The following ZNF644 variants were observed in gnomAD, a reference collection of about 807,000 sequenced individuals.
The protein encoded by ZNF644 is zinc finger protein 644.
Under a neutral mutation model 108.0 loss-of-function variants are expected in ZNF644, and 20 were observed. The ratio of observed to expected loss-of-function variants is 0.19; its 90% CI spans 0.13 to 0.27. The LOEUF (loss-of-function observed/expected upper bound fraction) is 0.27, where lower values mean the gene tolerates loss of function less well. ZNF644 is among the 10% of genes least tolerant of loss of function. ZNF644 has a pLI of 1.00. For missense variants in ZNF644, 1,338 were observed against 1,548.9 expected, an observed-to-expected ratio of 0.86 and a Z score of 2.29; for synonymous variants, 542 against 539.1, an observed-to-expected ratio of 1.01 and a Z score of -0.08.
chr1:90,990,516 GA>G (rs1408881175), intron 1 of ZNF644, among the ~76,000 whole-genome samples: 2 of 152,168 alleles, frequency 1.3e-5, no homozygotes, highest in Non-Finnish European at 2.9e-5. Flanking sequence ...ACTGCCTGGA[GA>G]AAGTACAGAT....
In ZNF644 at chr1:90,939,028, A is replaced by C; in HGVS notation, c.2326T>G (p.Ser776Ala). 1 of 1,614,042 alleles carries C rather than the reference A, an allele frequency of 6.2e-7. No homozygotes were observed. Among genetic ancestry groups the C allele is most frequent in the South Asian group, 1.1e-5 (1 of 91,082 alleles). The stretch of plus-strand genomic sequence containing the variant: ...TTGTTGTGAGAATTACTTGATGATG[A>C]AAACAGGTGTAAAGAATTTAATGAA... The part of the protein sequence containing the change: ...ASSLNSLHLF[S>A]SSSNSHNNFI... Residue 776 changes from serine to alanine, a missense_variant, in exon 3 of 6, where the codon TCA becomes GCA. Ser to Ala is a moderately conservative substitution (Grantham distance 99). Transcript: ENST00000337393.
intron 4 of ZNF644, among the ~76,000 whole-genome samples, chr1:90,925,145 A>C (rs1057021058): frequency 6.6e-6 from 1 of 152,184 alleles, no homozygotes; most frequent in African/African-American, 2.4e-5. Context: ...TGCAAGATTT[A>C]CCAGGCCCAG....
At position 90,938,256 on chromosome 1, in the gene ZNF644, C is replaced by T. The variant is rs377374433; in HGVS notation, c.3082+16G>A. ...CACAGACCTATCAGCCCAAATCATC[C>T]CCATGGAGAACTTACCTTTTCTAAC... is the stretch of plus-strand genomic sequence containing the variant. On this transcript the variant is annotated intron_variant, in intron 3 of 5. Coordinates refer to ENST00000337393, the MANE Select transcript of ZNF644 (RefSeq NM_201269.3). The surrounding 1 kb of genome is among the most constrained non-coding windows in gnomAD (Gnocchi z 4.2). 27 of 1,613,856 alleles carry T rather than the reference C, an allele frequency of 1.7e-5. 1 individual carries two copies. Among genetic ancestry groups the T allele is most frequent in the African/African-American group, 1.6e-4 (12 of 75,008 alleles).
At chr1:90,930,683 T>C (rs1056874404) in intron 4 of ZNF644, among the ~76,000 whole-genome samples, 2 of 152,184 alleles carry the variant, frequency 1.3e-5, no homozygotes, top group Admixed American at 1.3e-4. Flanking sequence ...TTAAAGTACA[T>C]TTAGGTGAGT....
chr1:90,959,896 A>G (rs1046363780), intron 2 of ZNF644, among the ~76,000 whole-genome samples: 1 of 152,176 alleles, frequency 6.6e-6, no homozygotes, highest in African/African-American at 2.4e-5. Context: ...TATTAAATGG[A>G]AAATTCAGAA....
intron 1 of ZNF644, among the ~76,000 whole-genome samples, chr1:90,999,259 AAAT>A (rs1658502068): frequency 6.6e-6 from 1 of 152,218 alleles, no homozygotes; most frequent in Non-Finnish European, 1.5e-5. Flanking sequence ...ACCAAAGTTG[AAAT>A]GAAGGAAAAA....
At chr1:90,951,643 T>G (rs905236543) in intron 2 of ZNF644, among the ~76,000 whole-genome samples, 1 of 152,204 alleles carries the variant, frequency 6.6e-6, no homozygotes, top group African/African-American at 2.4e-5. Flanking sequence ...TTCTCCACAC[T>G]GCTGGCATTC....
rs535344153 is a variant in ZNF644 at position 90,982,608 on chromosome 1, T to C, written c.-17-238A>G. 2.8e-4 allele frequency among the ~76,000 whole-genome samples: 42 copies of C among 152,174 alleles called. No individual in the cohort carries two copies. The South Asian group carries it at 2.9e-3, about 11-fold the overall frequency. On this transcript the variant is annotated intron_variant, in intron 1 of 5. Transcript: ENST00000337393. ...AATAATAATCTATTCAAATGAGAAATTGAAACTAATTCTTTTTTTTAAAAA... is the reference window on the plus strand; with the variant it reads ...AATAATAATCTATTCAAATGAGAAACTGAAACTAATTCTTTTTTTTAAAAA...
Position 90,939,649 on chromosome 1 carries a change from T to G in ZNF644, c.1705A>C (p.Lys569Gln). 6.2e-7 allele frequency: 1 copy of G among 1,614,018 alleles called. No individual in the cohort carries two copies. Among genetic ancestry groups the G allele is most frequent in the Non-Finnish European group, 8.5e-7 (1 of 1,179,928 alleles). The change falls in exon 3 of 6, where the codon AAG (lysine) becomes CAG (glutamine). Residue 569 changes from lysine (K) to glutamine (Q), a missense_variant. Coordinates refer to ENST00000337393, the MANE Select transcript of ZNF644 (RefSeq NM_201269.3). ...SDIAQRKTQK[K>Q]TFMKDSVVGS... ...ACTACAGAGTCTTTCATGAAAGTCT[T>G]TTTTTGTGTTTTTCTCTGGGCAATA...
chr1:91,010,272 C>T (rs1659838982), intron 1 of ZNF644, among the ~76,000 whole-genome samples: 1 of 144,644 alleles, frequency 6.9e-6, no homozygotes, highest in South Asian at 2.2e-4. Flanking sequence ...CACAGTCTCA[C>T]TCTGTTGCCC....
intron 2 of ZNF644, among the ~76,000 whole-genome samples, chr1:90,950,279 G>GA (rs1183706979): frequency 2.8e-5 from 1 of 35,780 alleles, no homozygotes; most frequent in Non-Finnish European, 6.7e-5. Flanking sequence ...TCCATCTCAA[G>GA]GGAAGGGAAG....
rs1648663198 is a variant in ZNF644, at chr1:90,915,410, C to T, written c.*1388G>A. The T allele has an allele frequency of 6.6e-6, 1 of 152,482 alleles. No homozygotes were observed. The highest frequency in any genetic ancestry group is 1.5e-5 in the Non-Finnish European group (1 of 67,972). The allele number at this position is 152,482 out of a possible 1,614,324, so 9.4% of individuals were successfully genotyped here. On this transcript the variant is annotated 3_prime_UTR_variant, in exon 6 of 6. Coordinates refer to ENST00000337393, the MANE Select transcript of ZNF644 (RefSeq NM_201269.3). ...TATGTATATACTCTACCAAAATACT[C>T]CTTATTTTAACTGTTTTTAACTTTA...
At chr1:90,964,796 C>CT (rs959322744) in intron 2 of ZNF644, among the ~76,000 whole-genome samples, 71 of 150,704 alleles carry the variant, frequency 4.7e-4, no homozygotes, top group African/African-American at 1.4e-3. Context: ...TAGAAGAGGT[C>CT]TTTTTTTTTG....
At chr1:90,951,362 T>A (rs1166651435) in intron 2 of ZNF644, among the ~76,000 whole-genome samples, 1 of 152,222 alleles carries the variant, frequency 6.6e-6, no homozygotes, top group East Asian at 1.9e-4. Flanking sequence ...AGTAACCCTT[T>A]GACTTCGTTT....
At chr1:90,927,686 A>G (rs1450249915) in intron 4 of ZNF644, among the ~76,000 whole-genome samples, 1 of 152,196 alleles carries the variant, frequency 6.6e-6, no homozygotes, top group Non-Finnish European at 1.5e-5. Flanking sequence ...GAACAATACT[A>G]TAGAAATAAG....
At chr1:90,917,993 AAT>A in intron 5 of ZNF644, 57 bp downstream of exon 5, 1 of 1,365,522 alleles carries the variant, frequency 7.3e-7, no homozygotes, top group Non-Finnish European at 1.0e-6. Context: ...TGAAATAGCT[AAT>A]ATGTTTCAAA....
At chr1:90,923,363 G>C (rs1649683184) in intron 4 of ZNF644, among the ~76,000 whole-genome samples, 1 of 151,730 alleles carries the variant, frequency 6.6e-6, no homozygotes, top group African/African-American at 2.4e-5. Flanking sequence ...GAAAAAAAAA[G>C]GCTGAGAAAA....
chr1:90,973,563 T>C (rs1299392384), intron 2 of ZNF644, among the ~76,000 whole-genome samples: 1 of 152,202 alleles, frequency 6.6e-6, no homozygotes, highest in Non-Finnish European at 1.5e-5. Context: ...GTTAAATAAG[T>C]CTGCATTTAT....
chr1:90,938,557 T>A lies in ZNF644; in HGVS notation c.2797A>T (p.Ile933Leu), dbSNP rs1218503333. The A allele has an allele frequency of 6.2e-7, 1 of 1,613,766 alleles. No individual in the cohort carries two copies. The highest frequency in any genetic ancestry group is 8.5e-7 in the Non-Finnish European group (1 of 1,179,878). Residue 933 changes from isoleucine to leucine, a missense_variant, in exon 3 of 6, where the codon ATA (isoleucine) becomes TTA (leucine). By Grantham distance (5) the Ile-to-Leu change is conservative. This residue lies in a region of ZNF644 where 462 missense variants were observed against 472.6 expected (regional missense o/e 0.98). Coordinates refer to ENST00000337393, the MANE Select transcript of ZNF644 (RefSeq NM_201269.3). This position sits in a 1 kb window ranked among gnomAD's most constrained non-coding sequence, Gnocchi z 4.2. ...DTGSNNFLHEIHDPQHLETAD... is the reference protein window; with the variant it reads ...DTGSNNFLHELHDPQHLETAD... ...GTTTCTAAATGCTGAGGATCATGTA[T>A]CTCATGCAAAAAGTTGTTACTTCCA...
Sources: gnomAD v4.1 joint callset for allele counts (sites outside exome capture counted in the v4.1 genomes callset) on GRCh38, gnomAD v4.1.1 for gene constraint, gnomAD v4.1.1 regional missense constraint, Gnocchi (gnomAD v3.1) non-coding constraint, MANE v1.5 for transcripts, NCBI Gene and HGNC (gene_info 2026-07-23, HGNC 2026-07-21) for gene names.